PDE1A: variants seen among roughly 807,000 people sequenced by gnomAD.
The protein encoded by PDE1A is dual specificity calcium/calmodulin-dependent 3',5'-cyclic nucleotide phosphodiesterase 1A.
PDE1A carries 35 observed loss-of-function variants against 61.7 expected under a neutral mutation model. That is an observed-to-expected ratio of 0.57 (90% CI 0.43 to 0.75). The LOEUF is 0.75. Among genes scored for constraint, PDE1A ranks in the 30% least tolerant of loss-of-function variants. PDE1A has a pLI of 0.00. For missense variants in PDE1A, 597 were observed against 630.6 expected (o/e 0.95, Z 0.57); for synonymous variants, 232 against 213.2 (o/e 1.09, Z -0.77).
At chr2:182,603,109 T>C in the PDE1A span, among the ~76,000 whole-genome samples, 1 of 152,130 alleles carries the variant, frequency 6.6e-6, no homozygotes, top group African/African-American at 2.4e-5. Context: ...GAAAGGCAAC[T>C]TGGCCAGAAT....
At chr2:182,142,157 C>CACACACA (rs1690258701), downstream of PDE1A, 1 of 151,754 alleles carries the variant, frequency 6.6e-6, no homozygotes, top group Non-Finnish European at 1.5e-5. Context: ...CACACACACA[C>CACACACA]ATTCTTGTCT....
chr2:182,264,883 A>G (rs1174821195), intron 1 of PDE1A, among the ~76,000 whole-genome samples: 1 of 138,326 alleles, frequency 7.2e-6, no homozygotes, highest in African/African-American at 2.7e-5. Flanking sequence ...ATATACATAT[A>G]TATATATATG....
chr2:182,279,834 T>A (rs970449271), intron 1 of PDE1A, among the ~76,000 whole-genome samples: 4 of 152,054 alleles, frequency 2.6e-5, no homozygotes, highest in African/African-American at 7.2e-5. Flanking sequence ...CACTGGGACA[T>A]CTCTTTAAAA....
intron 2 of PDE1A, among the ~76,000 whole-genome samples, chr2:182,263,570 C>T (rs1692385718): frequency 6.6e-6 from 1 of 152,138 alleles, no homozygotes; most frequent in African/African-American, 2.4e-5. Context: ...CCCACAGGTT[C>T]CCTCTTAGCT....
chr2:182,212,559 G>A (rs1230976625), intron 7 of PDE1A, among the ~76,000 whole-genome samples: 2 of 152,188 alleles, frequency 1.3e-5, no homozygotes, highest in African/African-American at 2.4e-5. Flanking sequence ...GTGGGTGCGC[G>A]CACCGTGCGC....
At chr2:182,147,740 TGAAA>T (rs1196560581) in intron 13 of PDE1A, among the ~76,000 whole-genome samples, 3 of 152,190 alleles carry the variant, frequency 2.0e-5, no homozygotes, top group African/African-American at 7.2e-5. Context: ...AATGTTTAGA[TGAAA>T]GAGTCTTATT....
chr2:182,370,349 C>A (rs1700064703), intron 1 of PDE1A, among the ~76,000 whole-genome samples: 2 of 152,084 alleles, frequency 1.3e-5, no homozygotes, highest in South Asian at 4.1e-4. Context: ...TTGAAAGGAT[C>A]ATAACAGACA....
chr2:182,693,817 T>C, the PDE1A span, among the ~76,000 whole-genome samples: 753 of 152,110 alleles, frequency 5.0e-3, 7 homozygotes, highest in African/African-American at 0.017. Context: ...CAACTAATTT[T>C]TGTATTTTTA....
chr2:182,630,555 TA>T, the PDE1A span, among the ~76,000 whole-genome samples: 4,608 of 108,606 alleles, frequency 0.042, 136 homozygotes, highest in African/African-American at 0.095. Context: ...TCCTCTTTTT[TA>T]AAAAAAAAAA....
chr2:182,232,996 C>G (rs868257268), intron 4 of PDE1A, among the ~76,000 whole-genome samples: 4 of 152,150 alleles, frequency 2.6e-5, no homozygotes, highest in Middle Eastern at 3.2e-3. Flanking sequence ...CTAAAACATT[C>G]TTTACTTGGT....
intron 2 of PDE1A, among the ~76,000 whole-genome samples, chr2:182,512,789 C>A (rs544084706): frequency 6.6e-6 from 1 of 152,142 alleles, no homozygotes; most frequent in Non-Finnish European, 1.5e-5. Context: ...AAACTCACTA[C>A]AAGAATATCA....
At chr2:182,231,379 C>T (rs906909955) in intron 4 of PDE1A, among the ~76,000 whole-genome samples, 1 of 152,172 alleles carries the variant, frequency 6.6e-6, no homozygotes, top group African/African-American at 2.4e-5. Flanking sequence ...TGATTTAATA[C>T]ATTTGATAAT....
Position 182,185,890 on chromosome 2 carries a change from A to G in PDE1A, c.1516+2T>C. The G allele has an allele frequency of 1.2e-6, 2 of 1,613,784 alleles. No individual in the cohort carries two copies. Among genetic ancestry groups the G allele is most frequent in the South Asian group, 2.2e-5 (2 of 91,074 alleles). ...GCAGTAAGGCCTCATAAACAACACT[A>G]CCTTGTGCAGCTAACTCTTTCCACC... On this transcript the variant is annotated splice_donor_variant, in intron 13 of 13. Coordinates refer to ENST00000351439, the Ensembl canonical transcript of PDE1A. LOFTEE classifies it high-confidence loss of function.
At chr2:182,491,376 T>C (rs1688380944) in intron 2 of PDE1A, among the ~76,000 whole-genome samples, 1 of 152,100 alleles carries the variant, frequency 6.6e-6, no homozygotes, top group Non-Finnish European at 1.5e-5. Context: ...CTGTGGCATT[T>C]AAGCTTCTTG....
At chr2:182,240,829 G>A (rs887042502) in intron 2 of PDE1A, among the ~76,000 whole-genome samples, 3 of 151,952 alleles carry the variant, frequency 2.0e-5, no homozygotes, top group Non-Finnish European at 4.4e-5. Flanking sequence ...CTAAATTTTA[G>A]GAAAATAACC....
chr2:182,420,487 T>C (rs142122832), intron 1 of PDE1A, among the ~76,000 whole-genome samples: 1 of 152,322 alleles, frequency 6.6e-6, no homozygotes, highest in African/African-American at 2.4e-5. Context: ...TGTTCCAGGC[T>C]CTTTGATCCT....
the PDE1A span, among the ~76,000 whole-genome samples, chr2:182,702,530 A>G: frequency 6.6e-6 from 1 of 152,230 alleles, no homozygotes; most frequent in Non-Finnish European, 1.5e-5. Flanking sequence ...GGAGAAATGC[A>G]CACAGAAGCT....
At position 182,482,155 on chromosome 2, in the gene PDE1A, C is replaced by T. The variant is rs142287093; in HGVS notation, c.101+40121G>A. 5.6e-3 allele frequency among the ~76,000 whole-genome samples: 848 copies of T among 151,466 alleles called. 6 individuals are homozygous for T. Among genetic ancestry groups the T allele is most frequent in the African/African-American group, 0.019 (787 of 41,300 alleles). The stretch of plus-strand genomic sequence containing the variant: ...TTAGAGTCTGACAAAATTGATTAAG[C>T]GCAATAATAAAATAAAATCACTCTA... On this transcript the variant is annotated intron_variant, in intron 2 of 14. Coordinates refer to the PDE1A transcript ENST00000410103.
At chr2:182,605,817 T>G in the PDE1A span, among the ~76,000 whole-genome samples, 1 of 152,194 alleles carries the variant, frequency 6.6e-6, no homozygotes, top group African/African-American at 2.4e-5. Context: ...AAGGAGTAGC[T>G]TCGAACTAAA....
Sources: allele counts gnomAD v4.1 joint callset (sites outside exome capture counted in the v4.1 genomes callset), GRCh38; gene constraint gnomAD v4.1.1; transcripts MANE v1.5; gene names NCBI Gene and HGNC (gene_info 2026-07-23, HGNC 2026-07-21).